PFKFB2: variants seen among roughly 807,000 people sequenced by gnomAD.
PFKFB2 encodes the protein 6-phosphofructo-2-kinase/fructose-2,6-biphosphatase 2, also known as 6-phosphofructo-2-kinase/fructose-2,6-bisphosphatase 2.
In PFKFB2, 53 loss-of-function variants were observed where a neutral mutation model predicts 68.0. The ratio of observed to expected loss-of-function variants is 0.78; its 90% CI spans 0.63 to 0.98. PFKFB2 has a LOEUF of 0.98. Ranked by LOEUF, PFKFB2 falls within the 50% of genes least tolerant of loss-of-function variation. The pLI is 0.00. For synonymous variants in PFKFB2, 222 were observed against 227.6 expected (o/e 0.98, Z 0.22); for missense variants, 451 against 642.0 (o/e 0.70, Z 3.22).
downstream of PFKFB2, chr1:207,080,625 C>T (rs1222128915): frequency 1.3e-5 from 2 of 152,116 alleles, no homozygotes; most frequent in African/African-American, 2.4e-5. Context: ...TTATTCTATC[C>T]ATGTAAGGCA....
chr1:207,061,887 A>G (rs1683127380), intron 2 of PFKFB2, 66 bp from the exon 3 acceptor site: 2 of 1,443,500 alleles, frequency 1.4e-6, no homozygotes, highest in African/African-American at 1.4e-5. Flanking sequence ...TCTCAAAAAA[A>G]CAAACACCAA....
At chr1:207,035,100 T>C (rs1682351431) in intron 1 of PFKFB2, 1 of 922,810 alleles carries the variant, frequency 1.1e-6, no homozygotes, top group Non-Finnish European at 1.3e-6. Flanking sequence ...TCATTGCTCT[T>C]AGTATGTAAA....
intron 2 of PFKFB2, chr1:207,060,762 G>T (rs56394126): frequency 0.046 from 6,933 of 151,866 alleles, 201 homozygotes; most frequent in Non-Finnish European, 0.062. Flanking sequence ...ATATTTCTAG[G>T]CATTCTTATG....
intron 1 of PFKFB2, among the ~76,000 whole-genome samples, chr1:207,039,769 G>A (rs1682442969): frequency 6.6e-6 from 1 of 152,196 alleles, no homozygotes; most frequent in Non-Finnish European, 1.5e-5. Flanking sequence ...TGTTTGCAGT[G>A]TAGAGCCAAA....
chr1:207,050,564 C>T, upstream of PFKFB2: 4 of 1,275,304 alleles, frequency 3.1e-6, no homozygotes, highest in Admixed American at 2.5e-5. Context: ...GATCTATCCT[C>T]GCCCCTGGCC....
At position 207,066,227 on chromosome 1, in the gene PFKFB2, C is replaced by G. The variant is rs529957138; in HGVS notation, c.632+1067C>G. Among the ~76,000 whole-genome samples, 7 of 152,200 alleles carry G rather than the reference C, an allele frequency of 4.6e-5. No individual in the cohort carries two copies. The South Asian group carries it at 1.0e-3, about 23-fold the overall frequency. On this transcript the variant is annotated intron_variant, in intron 8 of 14. Coordinates refer to ENST00000367080, the MANE Select transcript of PFKFB2 (RefSeq NM_006212.2). ...CATGTGTGAGGTATATGAGCCATAACAAAACCAAGTCTATGTTGAAGAAAG... is the reference window on the plus strand; with the variant it reads ...CATGTGTGAGGTATATGAGCCATAAGAAAACCAAGTCTATGTTGAAGAAAG...
chr1:207,049,501 A>G, upstream of PFKFB2: 1 of 1,614,122 alleles, frequency 6.2e-7, no homozygotes, highest in South Asian at 1.1e-5. Context: ...GCTTGCTACA[A>G]TTTGTGCTAT....
At chr1:207,050,586 C>CT, upstream of PFKFB2, 1 of 1,518,416 alleles carries the variant, frequency 6.6e-7, no homozygotes, top group Non-Finnish European at 8.9e-7. Flanking sequence ...CAAAGCCCCC[C>CT]CGCCGACTCA....
At chr1:207,052,269 G>C (rs747374078), upstream of PFKFB2, 1 of 1,579,706 alleles carries the variant, frequency 6.3e-7, no homozygotes, top group Non-Finnish European at 8.7e-7. Context: ...ATTTTTTTTT[G>C]CTGGTGCAAT....
upstream of PFKFB2, among the ~76,000 whole-genome samples, chr1:207,050,253 T>C (rs963758760): frequency 2.0e-5 from 3 of 152,070 alleles, no homozygotes; most frequent in Non-Finnish European, 4.4e-5. Flanking sequence ...AAAATGAGTA[T>C]GCCTGTCAAA....
chr1:207,065,078 G>A lies in PFKFB2; in HGVS notation c.550G>A (p.Glu184Lys). The A allele has an allele frequency of 2.5e-6, 4 of 1,614,124 alleles. No individual in the cohort carries two copies. Among genetic ancestry groups the A allele is most frequent in the Non-Finnish European group, 3.4e-6 (4 of 1,179,988 alleles). The change falls in exon 8 of 15, where the codon GAG becomes AAG. Residue 184 changes from glutamate to lysine, a missense_variant. Physicochemically the swap from Glu to Lys is moderately conservative, Grantham distance 56. Coordinates refer to ENST00000367080, the MANE Select transcript of PFKFB2 (RefSeq NM_006212.2). ...CCCTGACTATCCTGAAAGGAACAGA[G>A]AGAACGTGATGGAGGACTTCCTGAA... ...SSPDYPERNR[E>K]NVMEDFLKRI...
chr1:207,035,146 T>A (rs1682352438), intron 1 of PFKFB2: 1 of 985,352 alleles, frequency 1.0e-6, no homozygotes, highest in South Asian at 4.7e-5. Context: ...GGAAACTAAT[T>A]ACAGCCCAGC....
Position 207,073,009 on chromosome 1 carries a change from T to G in PFKFB2, c.*638T>G. On this transcript the variant is annotated 3_prime_UTR_variant, in exon 15 of 15. Coordinates refer to ENST00000367080, the MANE Select transcript of PFKFB2 (RefSeq NM_006212.2). ...AATGGATCTGGACTGGAGGAGTCTT[T>G]CCTTTCCTTTCTCCCTTCCTCTCCA... is the stretch of plus-strand genomic sequence containing the variant. 1 of 985,418 alleles carries G rather than the reference T, an allele frequency of 1.0e-6. No individual in the cohort carries two copies. The highest frequency in any genetic ancestry group is 1.2e-6 in the Non-Finnish European group (1 of 829,966). The allele number at this position is 985,418 out of a possible 1,614,324, so 61.0% of individuals were successfully genotyped here.
Position 207,072,443 on chromosome 1 carries a change from C to T in PFKFB2, c.*72C>T. On this transcript the variant is annotated 3_prime_UTR_variant, in exon 15 of 15. Transcript: ENST00000367080. ...TCCAGCCCTGGCCTCCTGCCCTTGT[C>T]ACTAATCACCAAGGAGTCATTAACT... 1 of 1,547,362 alleles carries T rather than the reference C, an allele frequency of 6.5e-7. No individual in the cohort carries two copies. Among genetic ancestry groups the T allele is most frequent in the Non-Finnish European group, 8.7e-7 (1 of 1,150,056 alleles).
chr1:207,068,409 C>G (rs552481070), intron 10 of PFKFB2, 100 bp downstream of exon 10: 1 of 1,045,610 alleles, frequency 9.6e-7, no homozygotes, highest in Non-Finnish European at 1.3e-6. Flanking sequence ...AAACTACAAC[C>G]AACAAGTAAA....
At chr1:207,071,116 TC>T (rs760155536) in intron 12 of PFKFB2, 71 bp from the exon 13 acceptor site, 56 of 1,198,888 alleles carry the variant, frequency 4.7e-5, no homozygotes, top group Non-Finnish European at 6.5e-5. Context: ...CTCTGTAGAT[TC>T]TTTCTTCCAC....
intron 1 of PFKFB2, among the ~76,000 whole-genome samples, chr1:207,038,547 G>T (rs1365178272): frequency 1.3e-5 from 2 of 152,134 alleles, no homozygotes; most frequent in Non-Finnish European, 2.9e-5. Flanking sequence ...TATTTGAAAT[G>T]ATTTTATTTT....
At position 207,070,351 on chromosome 1, in the gene PFKFB2, C is replaced by CA; in HGVS notation, c.1165dup (p.Ile389AsnfsTer17). ...TGGAACGTCAGGGCAATGTCCTCGTCATCTCCCACCAGGCTGTCATGCGCT... is the reference window on the plus strand; with the variant it reads ...TGGAACGTCAGGGCAATGTCCTCGTCAATCTCCCACCAGGCTGTCATGCGCT... On this transcript the variant is annotated frameshift_variant, in exon 12 of 15. Transcript: ENST00000367080. LOFTEE classifies it high-confidence loss of function. The surrounding 1 kb of genome is among the most constrained non-coding windows in gnomAD (Gnocchi z 4.2). 6.2e-7 allele frequency: 1 copy of CA among 1,613,990 alleles called. No homozygotes were observed. The highest frequency in any genetic ancestry group is 8.5e-7 in the Non-Finnish European group (1 of 1,180,000).
intron 2 of PFKFB2, among the ~76,000 whole-genome samples, chr1:207,060,371 G>A (rs1028108245): frequency 6.6e-6 from 1 of 152,226 alleles, no homozygotes; most frequent in African/African-American, 2.4e-5. Flanking sequence ...GGTAGACTGA[G>A]GACTGTTAAT....
Sources: allele counts gnomAD v4.1 joint callset (sites outside exome capture counted in the v4.1 genomes callset), GRCh38; gene constraint gnomAD v4.1.1; non-coding constraint Gnocchi (gnomAD v3.1); transcripts MANE v1.5; gene names NCBI Gene and HGNC (gene_info 2026-07-23, HGNC 2026-07-21).